TNFAIP8L1: variants seen among roughly 807,000 people sequenced by gnomAD.
The protein encoded by TNFAIP8L1 is TNF alpha induced protein 8 like 1.
For synonymous variants in TNFAIP8L1, 127 were observed against 125.6 expected, an observed-to-expected ratio of 1.01 and a Z score of -0.08; for missense variants, 225 against 266.1, an observed-to-expected ratio of 0.85 and a Z score of 1.08.
chr19:4,640,665 C>G (rs2145161758), intron 1 of TNFAIP8L1: 1 of 152,460 alleles, frequency 6.6e-6, no homozygotes, highest in South Asian at 2.1e-4. Flanking sequence ...CTGCTCATAA[C>G]CTGCCTGACT....
At position 4,652,472 on chromosome 19, in the gene TNFAIP8L1, C is replaced by A. The variant is rs747318018; in HGVS notation, c.*42C>A. 1 of 1,466,054 alleles carries A rather than the reference C, an allele frequency of 6.8e-7. No homozygotes were observed. The highest frequency in any genetic ancestry group is 9.1e-7 in the Non-Finnish European group (1 of 1,104,808). The allele number at this position is 1,466,054 out of a possible 1,614,324, so 90.8% of individuals were successfully genotyped here. A position where few individuals can be genotyped will look rare whatever the true frequency, so the allele number is the denominator to read the frequency against. ...ACCGCGCCCCTCGCGCCTTTTGGGG[C>A]TCTCCTGCTGGGCGCGGGTGGGGTT... On this transcript the variant is annotated 3_prime_UTR_variant, in exon 2 of 2. Transcript: ENST00000327473.
Position 4,653,094 on chromosome 19 carries a change from A to T in TNFAIP8L1, c.*664A>T, listed in dbSNP as rs999179985. The T allele has an allele frequency of 1.8e-5, 3 of 166,442 alleles. No homozygotes were observed. The highest frequency in any genetic ancestry group is 7.3e-5 in the African/African-American group (3 of 41,278). The allele number at this position is 166,442 out of a possible 1,614,324, so 10.3% of individuals were successfully genotyped here. ...GCTGAGGCGGGCGGATCACGAGGTCAGGAGATCGAGACCATCCTGGCTAAC... is the reference window on the plus strand; with the variant it reads ...GCTGAGGCGGGCGGATCACGAGGTCTGGAGATCGAGACCATCCTGGCTAAC... On this transcript the variant is annotated 3_prime_UTR_variant, in exon 2 of 2. Coordinates refer to ENST00000327473, the MANE Select transcript of TNFAIP8L1 (RefSeq NM_152362.3).
intron 1 of TNFAIP8L1, among the ~76,000 whole-genome samples, chr19:4,644,748 C>T (rs1021332194): frequency 4.6e-5 from 7 of 151,566 alleles, no homozygotes; most frequent in African/African-American, 9.7e-5. Flanking sequence ...GGATTACAGG[C>T]GTGTGCCACA....
At chr19:4,642,767 A>C (rs553037592) in intron 1 of TNFAIP8L1, among the ~76,000 whole-genome samples, 49 of 151,440 alleles carry the variant, frequency 3.2e-4, no homozygotes, top group African/African-American at 1.2e-3. Flanking sequence ...GGGAGGGGAC[A>C]GGGCAGGGTG....
chr19:4,654,104 G>A lies in TNFAIP8L1; in HGVS notation c.*1674G>A, dbSNP rs2088400266. On this transcript the variant is annotated 3_prime_UTR_variant, in exon 2 of 2. Coordinates refer to ENST00000327473, the MANE Select transcript of TNFAIP8L1 (RefSeq NM_152362.3). ...TCTCAGACTTGCGGCCCAGAGAACT[G>A]AATGAGAATAAATGTGCGTGAAGCC... 1 of 152,198 alleles carries A rather than the reference G, an allele frequency of 6.6e-6. No individual in the cohort carries two copies. The highest frequency in any genetic ancestry group is 2.4e-5 in the African/African-American group (1 of 41,422). The allele number at this position is 152,198 out of a possible 1,614,324, so 9.4% of individuals were successfully genotyped here.
In TNFAIP8L1 at chr19:4,652,088, G is replaced by T. The variant is rs1338702550; in HGVS notation, c.219G>T (p.Leu73=). ...LVKVALKLGL[L]LRGDQLGGEE... ...AGGTGGCCCTGAAGCTGGGACTGCTGCTGCGTGGGGACCAGCTGGGCGGTG... is the reference window on the plus strand; with the variant it reads ...AGGTGGCCCTGAAGCTGGGACTGCTTCTGCGTGGGGACCAGCTGGGCGGTG... Residue 73 remains leucine (L), a synonymous_variant, in exon 2 of 2, where the codon CTG becomes CTT. Coordinates refer to ENST00000327473, the MANE Select transcript of TNFAIP8L1 (RefSeq NM_152362.3). The T allele has an allele frequency of 1.2e-6, 2 of 1,602,604 alleles. No homozygotes were observed. Among genetic ancestry groups the T allele is most frequent in the Non-Finnish European group, 1.7e-6 (2 of 1,174,788 alleles).
rs2088380730 is a variant in TNFAIP8L1 at position 4,652,580 on chromosome 19, G to A, written c.*150G>A. The A allele has an allele frequency of 1.4e-6, 1 of 713,660 alleles. No homozygotes were observed. The highest frequency in any genetic ancestry group is 2.2e-6 in the Non-Finnish European group (1 of 450,614). 44.2% of individuals were successfully genotyped at this position (713,660 alleles called of 1,614,324 possible). A position where few individuals can be genotyped will look rare whatever the true frequency, so the allele number is the denominator to read the frequency against. The stretch of plus-strand genomic sequence containing the variant: ...CAGATGGGTGACCTGTCTCCTTTGA[G>A]AGGATGCTGAGGCATCTGTAGCAGC... On this transcript the variant is annotated 3_prime_UTR_variant, in exon 2 of 2. Coordinates refer to ENST00000327473, the MANE Select transcript of TNFAIP8L1 (RefSeq NM_152362.3).
chr19:4,655,303 TC>T lies in TNFAIP8L1; in HGVS notation c.*2875del. 1.3e-5 allele frequency: 2 copies of T among 152,376 alleles called. No individual in the cohort carries two copies. The highest frequency in any genetic ancestry group is 2.9e-5 in the Non-Finnish European group (2 of 68,054). The allele number at this position is 152,376 out of a possible 1,614,324, so 9.4% of individuals were successfully genotyped here. A position where few individuals can be genotyped will look rare whatever the true frequency, so the allele number is the denominator to read the frequency against. On this transcript the variant is annotated 3_prime_UTR_variant, in exon 2 of 2. Transcript: ENST00000327473. ...AGGCCTTGGCCAGAGAGCCAGCTGT[TC>T]CTACCTCTACCCCACGCTTCCAAGG...
At position 4,641,719 on chromosome 19, in the gene TNFAIP8L1, G is replaced by A. The variant is rs941552702; in HGVS notation, c.-4+2090G>A. 6.6e-6 allele frequency: 1 copy of A among 152,160 alleles called. No individual in the cohort carries two copies. Among genetic ancestry groups the A allele is most frequent in the Non-Finnish European group, 1.5e-5 (1 of 68,032 alleles). 9.4% of individuals were successfully genotyped at this position (152,160 alleles called of 1,614,324 possible). On this transcript the variant is annotated intron_variant, in intron 1 of 1. Transcript: ENST00000327473. This position sits in a 1 kb window ranked among gnomAD's most constrained non-coding sequence, Gnocchi z 4.6. ...AAGATATTGTTAAAAGCCCGAGGAG[G>A]GGATTACAGGACACAGTACTTCTAG...
intron 1 of TNFAIP8L1, chr19:4,642,442 TG>T: frequency 6.7e-6 from 1 of 148,652 alleles, no homozygotes; most frequent in Non-Finnish European, 1.5e-5. Flanking sequence ...ATTGCACCAC[TG>T]CTCTCCAGCC....
intron 1 of TNFAIP8L1, among the ~76,000 whole-genome samples, chr19:4,650,185 G>A (rs1412116655): frequency 6.6e-6 from 1 of 152,184 alleles, no homozygotes; most frequent in Non-Finnish European, 1.5e-5. Context: ...GGGGTGCAGA[G>A]CTGGGGAGCA....
At chr19:4,646,989 G>C (rs562563293) in intron 1 of TNFAIP8L1, among the ~76,000 whole-genome samples, 1 of 152,194 alleles carries the variant, frequency 6.6e-6, no homozygotes, top group Non-Finnish European at 1.5e-5. Context: ...TCTGGCTTCT[G>C]TCACTGGGAA....
In TNFAIP8L1 at chr19:4,651,910, A is replaced by C; in HGVS notation, c.41A>C (p.Gln14Pro). 6.2e-7 allele frequency: 1 copy of C among 1,611,996 alleles called. No individual in the cohort carries two copies. The stretch of plus-strand genomic sequence containing the variant: ...ACCAAGAGCCTGGCTCTGCAGGCGC[A>C]GAAGAAGCTCCTGAGTAAGATGGCG... ...FSTKSLALQA[Q>P]KKLLSKMASK... Residue 14 changes from glutamine to proline, a missense_variant, in exon 2 of 2, where the codon CAG becomes CCG. Coordinates refer to ENST00000327473, the MANE Select transcript of TNFAIP8L1 (RefSeq NM_152362.3).
At chr19:4,651,663 C>A (rs10402856) in intron 1 of TNFAIP8L1, among the ~76,000 whole-genome samples, 48,546 of 152,116 alleles carry the variant, frequency 0.32, 9,334 homozygotes, top group African/African-American at 0.54. Flanking sequence ...GCTGGTCTCG[C>A]ACTCCTAACC....
At position 4,654,580 on chromosome 19, in the gene TNFAIP8L1, G is replaced by A. The variant is rs1027708954; in HGVS notation, c.*2150G>A. On this transcript the variant is annotated 3_prime_UTR_variant, in exon 2 of 2. Transcript: ENST00000327473. Reference sequence around the variant, plus strand: ...TGGTCTCGAACTCCTGGGCTCAAGCGACCTACCTACCTCGGCCTCACAAAG... The same window carrying A: ...TGGTCTCGAACTCCTGGGCTCAAGCAACCTACCTACCTCGGCCTCACAAAG... 1.3e-5 allele frequency: 2 copies of A among 152,140 alleles called. No homozygotes were observed. The highest frequency in any genetic ancestry group is 2.9e-5 in the Non-Finnish European group (2 of 68,036). The allele number at this position is 152,140 out of a possible 1,614,324, so 9.4% of individuals were successfully genotyped here. A position where few individuals can be genotyped will look rare whatever the true frequency, so the allele number is the denominator to read the frequency against.
rs1224441233 is a variant in TNFAIP8L1, at chr19:4,655,346, T to C, written c.*2916T>C. The C allele has an allele frequency of 1.3e-5, 2 of 152,370 alleles. No individual in the cohort carries two copies. The highest frequency in any genetic ancestry group is 1.9e-4 in the East Asian group (1 of 5,184). 9.4% of individuals were successfully genotyped at this position (152,370 alleles called of 1,614,324 possible). On this transcript the variant is annotated 3_prime_UTR_variant, in exon 2 of 2. Coordinates refer to ENST00000327473, the MANE Select transcript of TNFAIP8L1 (RefSeq NM_152362.3). ...CTTCCAAGGCAACCTTCTCCACTTA[T>C]CTTAGGCCGAGAGACAGCTCTTCAA...
At position 4,652,308 on chromosome 19, in the gene TNFAIP8L1, T is replaced by C. The variant is rs1371994263; in HGVS notation, c.439T>C (p.Phe147Leu). 1.0e-5 allele frequency: 16 copies of C among 1,561,444 alleles called. No homozygotes were observed. Among genetic ancestry groups the C allele is most frequent in the Non-Finnish European group, 1.3e-5 (15 of 1,155,590 alleles). The stretch of plus-strand genomic sequence containing the variant: ...GTCCCACGGCCGCATCAACCACGTG[T>C]TCGGCCACCTAGCCGACTGCGACTT... ...AKSHGRINHV[F>L]GHLADCDFLA... Residue 147 changes from phenylalanine to leucine, a missense_variant, in exon 2 of 2, where the codon TTC becomes CTC. By Grantham distance (22) the Phe-to-Leu change is conservative. Coordinates refer to ENST00000327473, the MANE Select transcript of TNFAIP8L1 (RefSeq NM_152362.3).
At chr19:4,643,172 A>G (rs1464625751) in intron 1 of TNFAIP8L1, among the ~76,000 whole-genome samples, 2 of 151,692 alleles carry the variant, frequency 1.3e-5, no homozygotes, top group East Asian at 1.9e-4. Flanking sequence ...CCAGCTACTC[A>G]GGAAGCTGAG....
intron 1 of TNFAIP8L1, among the ~76,000 whole-genome samples, chr19:4,648,384 TC>T (rs113709648): frequency 0.015 from 2,228 of 152,318 alleles, 22 homozygotes; most frequent in Middle Eastern, 0.044. Context: ...CTCGGCCTGT[TC>T]CCCTGGGAGA....
Sources: gnomAD v4.1 joint callset for allele counts (sites outside exome capture counted in the v4.1 genomes callset) on GRCh38, gnomAD v4.1.1 for gene constraint, Gnocchi (gnomAD v3.1) non-coding constraint, MANE v1.5 for transcripts, NCBI Gene and HGNC (gene_info 2026-07-23, HGNC 2026-07-21) for gene names.